The following MAP2K7 variants were observed in gnomAD, a reference collection of about 807,000 sequenced individuals.
The protein encoded by MAP2K7 is mitogen-activated protein kinase kinase 7.
MAP2K7 carries 12 observed loss-of-function variants against 47.7 expected under a neutral mutation model. The ratio of observed to expected loss-of-function variants is 0.25; its 90% CI spans 0.16 to 0.41. The LOEUF (loss-of-function observed/expected upper bound fraction) is 0.41. MAP2K7 is among the 10% of genes least tolerant of loss of function. The probability of loss-of-function intolerance (pLI) is 1.00; values close to 1 mark genes in which losing one functional copy is unlikely to be tolerated. For missense variants in MAP2K7, 415 were observed against 600.3 expected (o/e 0.69, Z 3.23); for synonymous variants, 299 against 243.0 (o/e 1.23, Z -2.14).
Position 7,912,460 on chromosome 19 carries a change from G to A in MAP2K7, c.*29G>A, listed in dbSNP as rs776426427. On this transcript the variant is annotated 3_prime_UTR_variant, in exon 11 of 11. Transcript: ENST00000397979. ...CTTGGCGGCGGCCAGCCCCACAGGG[G>A]GCCAGGGGCATGGCCACAGGCCCCC... is the stretch of plus-strand genomic sequence containing the variant. 10 of 1,595,642 alleles carry A rather than the reference G, an allele frequency of 6.3e-6. No individual in the cohort carries two copies. The highest frequency in any genetic ancestry group is 7.7e-6 in the Non-Finnish European group (9 of 1,174,796).
At chr19:7,905,679 G>T in intron 1 of MAP2K7, 1 of 789,840 alleles carries the variant, frequency 1.3e-6, no homozygotes. Context: ...TCGGTTCCTA[G>T]CCATCTCTGC....
chr19:7,905,195 C>T (rs528079186), intron 1 of MAP2K7, among the ~76,000 whole-genome samples: 1 of 152,294 alleles, frequency 6.6e-6, no homozygotes, highest in South Asian at 2.1e-4. Context: ...TCTCTCTTGT[C>T]TCCTCTGATG....
At chr19:7,906,169 A>AAGG (rs909433165) in intron 1 of MAP2K7, 47 of 389,060 alleles carry the variant, frequency 1.2e-4, no homozygotes, top group Non-Finnish European at 1.9e-4. Context: ...GTGTGTGTGT[A>AAGG]ACTGAGAGAA....
At position 7,903,959 on chromosome 19, in the gene MAP2K7, C is replaced by A; in HGVS notation, c.15C>A (p.Ser5=). Residue 5 remains serine, a synonymous_variant, in exon 1 of 11, where the codon TCC becomes TCA. Transcript: ENST00000397979. MAAS[S]LEQKLSRLEA... ...CGGCGGGGAAGATGGCGGCGTCCTC[C>A]CTGGAACAGAAGCTGTCCCGCCTGG... 1 of 1,548,592 alleles carries A rather than the reference C, an allele frequency of 6.5e-7. No individual in the cohort carries two copies.
Position 7,909,909 on chromosome 19 carries a change from C to A in MAP2K7, c.266+13C>A. 1 of 1,508,270 alleles carries A rather than the reference C, an allele frequency of 6.6e-7. No individual in the cohort carries two copies. The highest frequency in any genetic ancestry group is 8.9e-7 in the Non-Finnish European group (1 of 1,124,554). 93.4% of individuals were successfully genotyped at this position (1,508,270 alleles called of 1,614,324 possible). On this transcript the variant is annotated intron_variant, in intron 2 of 10. Transcript: ENST00000397979. Reference sequence around the variant, plus strand: ...GCAGCATGGAGAGGTGAGCCAGGGGCCCAGCAGGGTTGGGTGGGAAGCAGC... The same window carrying A: ...GCAGCATGGAGAGGTGAGCCAGGGGACCAGCAGGGTTGGGTGGGAAGCAGC...
chr19:7,904,046 C>T lies in MAP2K7; in HGVS notation c.102C>T (p.Ile34=), dbSNP rs757454138. The part of the protein sequence containing the change: ...ARRRIDLNLD[I]SPQRPRPTLQ... The stretch of plus-strand genomic sequence containing the variant: ...GGAGGATCGACCTCAACCTGGATAT[C>T]AGCCCCCAGCGGCCCAGGCCCAGTA... The change falls in exon 1 of 11, where the codon ATC becomes ATT. Residue 34 remains isoleucine (I), a synonymous_variant. Coordinates refer to ENST00000397979, the MANE Select transcript of MAP2K7 (RefSeq NM_145185.4). 2 of 1,501,896 alleles carry T rather than the reference C, an allele frequency of 1.3e-6. No individual in the cohort carries two copies. The highest frequency in any genetic ancestry group is 1.8e-6 in the Non-Finnish European group (2 of 1,122,144). The allele number at this position is 1,501,896 out of a possible 1,614,324, so 93.0% of individuals were successfully genotyped here.
chr19:7,910,234 C>T (rs770200235), intron 3 of MAP2K7, 26 bp from the exon 4 acceptor site: 17 of 1,609,714 alleles, frequency 1.1e-5, no homozygotes, highest in Non-Finnish European at 1.4e-5. Flanking sequence ...GCCCCAGGGA[C>T]CCTCCAACCC....
At chr19:7,906,032 C>T (rs574596815) in intron 1 of MAP2K7, 5 of 650,716 alleles carry the variant, frequency 7.7e-6, no homozygotes, top group African/African-American at 3.6e-5. Context: ...GCCCAGCCTC[C>T]TCTGCGTCCT....
rs761123989 is a variant in MAP2K7 at position 7,910,845 on chromosome 19, G to A, written c.675+42G>A. On this transcript the variant is annotated intron_variant, in intron 6 of 10. Transcript: ENST00000397979. The stretch of plus-strand genomic sequence containing the variant: ...GGCTTGCACTGGGCAGGATGACAGA[G>A]GCGGTGAGTGACCAGGCGGGGCGTG... 4 of 1,575,130 alleles carry A rather than the reference G, an allele frequency of 2.5e-6. No homozygotes were observed. In the Admixed American group the frequency reaches 5.2e-5, roughly 21 times the overall value.
intron 1 of MAP2K7, among the ~76,000 whole-genome samples, chr19:7,908,934 AG>A (rs1982633048): frequency 7.0e-6 from 1 of 143,534 alleles, no homozygotes; most frequent in Non-Finnish European, 1.5e-5. Flanking sequence ...TGCCCACCCC[AG>A]GGTGCCTGCT....
rs1369799132 is a variant in MAP2K7, at chr19:7,911,449, C to T, written c.950C>T (p.Thr317Ile). Reference sequence around the variant, plus strand: ...TCTCCCTCCCAGGTGGAGCTGGCAACAGGACAGTTTCCCTACAAGAACTGC... The same window carrying T: ...TCTCCCTCCCAGGTGGAGCTGGCAATAGGACAGTTTCCCTACAAGAACTGC... ...SLGISLVELATGQFPYKNCKT... is the reference protein window; with the variant it reads ...SLGISLVELAIGQFPYKNCKT... The change falls in exon 9 of 11, where the codon ACA (threonine) becomes ATA (isoleucine). Residue 317 changes from threonine (T) to isoleucine (I), a missense_variant. Physicochemically the swap from Thr to Ile is moderately conservative, Grantham distance 89. Coordinates refer to ENST00000397979, the MANE Select transcript of MAP2K7 (RefSeq NM_145185.4). 1 of 1,613,540 alleles carries T rather than the reference C, an allele frequency of 6.2e-7. No individual in the cohort carries two copies. Among genetic ancestry groups the T allele is most frequent in the East Asian group, 2.2e-5 (1 of 44,876 alleles).
chr19:7,912,684 G>A lies in MAP2K7; in HGVS notation c.*253G>A, dbSNP rs1017874026. 7.2e-6 allele frequency: 4 copies of A among 553,914 alleles called. No homozygotes were observed. Among genetic ancestry groups the A allele is most frequent in the Non-Finnish European group, 1.3e-5 (4 of 311,768 alleles). 34.3% of individuals were successfully genotyped at this position (553,914 alleles called of 1,614,324 possible). On this transcript the variant is annotated 3_prime_UTR_variant, in exon 11 of 11. Coordinates refer to ENST00000397979, the MANE Select transcript of MAP2K7 (RefSeq NM_145185.4). The stretch of plus-strand genomic sequence containing the variant: ...CTGTGAACGGAAGACAGCAGGCCGC[G>A]ATCAGAGTCGCTGTTCATTCAGCCG...
intron 1 of MAP2K7, among the ~76,000 whole-genome samples, chr19:7,905,161 G>C (rs1386282032): frequency 6.6e-6 from 1 of 152,090 alleles, no homozygotes; most frequent in African/African-American, 2.4e-5. Context: ...GATCCTTTTT[G>C]TGTCTTTCTT....
chr19:7,908,528 C>A (rs1444757949), intron 1 of MAP2K7, among the ~76,000 whole-genome samples: 1 of 152,120 alleles, frequency 6.6e-6, no homozygotes, highest in Non-Finnish European at 1.5e-5. Context: ...TCCCTGGGCA[C>A]CAGTCACCAG....
Position 7,910,530 on chromosome 19 carries a change from C to T in MAP2K7, c.525C>T (p.Asp175=), listed in dbSNP as rs370478429. ...MDLDVVLKSH[D]CPYIVQCFGT... is the part of the protein sequence containing the mutation. ...TGGATGTGGTGCTGAAGAGCCACGA[C>T]TGCCCCTACATCGTGCAGTGCTTTG... The change falls in exon 5 of 11, where the codon GAC becomes GAT. Residue 175 remains aspartate, a synonymous_variant. Transcript: ENST00000397979. 1.9e-6 allele frequency: 3 copies of T among 1,613,708 alleles called. No homozygotes were observed. Among genetic ancestry groups the T allele is most frequent in the African/African-American group, 1.3e-5 (1 of 75,068 alleles).
intron 1 of MAP2K7, 115 bp from the exon 2 acceptor site, chr19:7,909,640 G>A (rs1419219865): frequency 2.2e-5 from 14 of 627,356 alleles, no homozygotes; most frequent in South Asian, 3.8e-5. Flanking sequence ...AGCCTAGCTC[G>A]GGAAACCCAG....
At chr19:7,911,899 A>G (rs1982897978) in intron 9 of MAP2K7, among the ~76,000 whole-genome samples, 1 of 151,690 alleles carries the variant, frequency 6.6e-6, no homozygotes, top group African/African-American at 2.4e-5. Flanking sequence ...AGCCCCACCC[A>G]CCTTTCTGGG....
rs1555701268 is a variant in MAP2K7 at position 7,911,242 on chromosome 19, C to CCG, written c.856-7_856-6insGC. On this transcript the variant is annotated splice_region_variant and splice_polypyrimidine_tract_variant and intron_variant, in intron 7 of 10. Coordinates refer to ENST00000397979, the MANE Select transcript of MAP2K7 (RefSeq NM_145185.4). ...TTGGAGATACGTCTTCTCCTCCCCCCCCTGCAGCCCGAGCGCATTGACCCC... is the reference window on the plus strand; with the variant it reads ...TTGGAGATACGTCTTCTCCTCCCCCCCGCCTGCAGCCCGAGCGCATTGACCCC... 409 of 1,610,088 alleles carry CCG rather than the reference C, an allele frequency of 2.5e-4. 1 individual carries two copies. The highest frequency in any genetic ancestry group is 5.2e-4 in the South Asian group (47 of 91,000).
rs1982978943 is a variant in MAP2K7 at position 7,912,647 on chromosome 19, C to A, written c.*216C>A. ...CCGGGGTCAGCCGGCCGTGTGCGTC[C>A]CCCGACAGACACTGTGAACGGAAGA... On this transcript the variant is annotated 3_prime_UTR_variant, in exon 11 of 11. Coordinates refer to ENST00000397979, the MANE Select transcript of MAP2K7 (RefSeq NM_145185.4). 6 of 595,964 alleles carry A rather than the reference C, an allele frequency of 1.0e-5. No individual in the cohort carries two copies. The South Asian group carries it at 1.2e-4, about 12-fold the overall frequency. The allele number at this position is 595,964 out of a possible 1,614,324, so 36.9% of individuals were successfully genotyped here. A position where few individuals can be genotyped will look rare whatever the true frequency, so the allele number is the denominator to read the frequency against.
Sources: allele counts gnomAD v4.1 joint callset (sites outside exome capture counted in the v4.1 genomes callset), GRCh38; gene constraint gnomAD v4.1.1; transcripts MANE v1.5; gene names NCBI Gene and HGNC (gene_info 2026-07-23, HGNC 2026-07-21).